The following MDGA2 variants were observed in gnomAD, a reference collection of about 807,000 sequenced individuals.
MDGA2 encodes the protein MAM domain containing glycosylphosphatidylinositol anchor 2, also known as MAM domain-containing glycosylphosphatidylinositol anchor protein 2.
Under a neutral mutation model 117.8 loss-of-function variants are expected in MDGA2, and 40 were observed. That is an observed-to-expected ratio of 0.34 (90% CI 0.26 to 0.44). MDGA2 has a LOEUF of 0.44. MDGA2 is among the 20% of genes least tolerant of loss of function. The pLI is 1.00. For missense variants in MDGA2, 1,123 were observed against 1,250.6 expected (o/e 0.90, Z 1.54); for synonymous variants, 452 against 439.0 (o/e 1.03, Z -0.37).
chr14:47,019,843 A>C (rs1397476433), intron 8 of MDGA2, among the ~76,000 whole-genome samples: 1 of 151,994 alleles, frequency 6.6e-6, no homozygotes, highest in Non-Finnish European at 1.5e-5. Context: ...CGTCTCAAAA[A>C]AAAAAAAAAA....
intron 1 of MDGA2, among the ~76,000 whole-genome samples, chr14:47,636,895 C>G (rs905283966): frequency 6.7e-5 from 10 of 150,148 alleles, no homozygotes; most frequent in African/African-American, 2.2e-4. Context: ...TCACTTGAAT[C>G]CGGGAAATGA....
intron 11 of MDGA2, 145 bp from the exon 12 acceptor site, chr14:46,877,654 T>C: frequency 1.9e-6 from 1 of 518,702 alleles, no homozygotes; most frequent in Non-Finnish European, 3.4e-6. Context: ...TTGAGATTTA[T>C]ATCTGCAATC....
At chr14:47,526,430 G>C (rs1894974864) in intron 1 of MDGA2, among the ~76,000 whole-genome samples, 1 of 152,114 alleles carries the variant, frequency 6.6e-6, no homozygotes, top group African/African-American at 2.4e-5. Flanking sequence ...TTTTCTTCCA[G>C]TTTGCTCTTA....
chr14:47,119,067 T>C (rs562825134), intron 5 of MDGA2, among the ~76,000 whole-genome samples: 3 of 150,332 alleles, frequency 2.0e-5, no homozygotes, highest in Non-Finnish European at 4.4e-5. Context: ...TTTTTTTTTT[T>C]TGAGACGGAG....
At chr14:47,293,731 C>G (rs769730444) in intron 2 of MDGA2, among the ~76,000 whole-genome samples, 2 of 151,980 alleles carry the variant, frequency 1.3e-5, no homozygotes, top group Non-Finnish European at 2.9e-5. Context: ...TAAAATTAAA[C>G]AAAAGATGAA....
chr14:47,246,587 G>C (rs752036971), intron 2 of MDGA2, among the ~76,000 whole-genome samples: 1 of 151,706 alleles, frequency 6.6e-6, no homozygotes, highest in Non-Finnish European at 1.5e-5. Context: ...AGTGTGGAAA[G>C]AGCCAGTTAC....
At chr14:47,342,397 T>C (rs1355147179) in intron 1 of MDGA2, among the ~76,000 whole-genome samples, 1 of 151,472 alleles carries the variant, frequency 6.6e-6, no homozygotes, top group Non-Finnish European at 1.5e-5. Context: ...TTATTCCCAC[T>C]CTACAGATGA....
chr14:47,650,048 T>C (rs1267604282), intron 1 of MDGA2, among the ~76,000 whole-genome samples: 2 of 152,092 alleles, frequency 1.3e-5, no homozygotes, highest in Non-Finnish European at 2.9e-5. Flanking sequence ...TTAAAGCACA[T>C]GGTCTCTCTA....
chr14:47,237,352 G>T (rs1445611998), intron 2 of MDGA2, among the ~76,000 whole-genome samples: 1 of 152,084 alleles, frequency 6.6e-6, no homozygotes, highest in Non-Finnish European at 1.5e-5. Context: ...GGTCTCCCAG[G>T]CCTTGCCCTT....
intron 13 of MDGA2, chr14:46,873,813 T>C: frequency 3.4e-6 from 2 of 582,968 alleles, no homozygotes; most frequent in Non-Finnish European, 5.4e-6. Context: ...AAGTTGAAAT[T>C]TAGACTTGAA....
At chr14:46,976,492 G>GT (rs1328390080) in intron 8 of MDGA2, among the ~76,000 whole-genome samples, 1 of 151,696 alleles carries the variant, frequency 6.6e-6, no homozygotes, top group Non-Finnish European at 1.5e-5. Flanking sequence ...GGTTAGAGCT[G>GT]TTTTTTCTAA....
intron 1 of MDGA2, among the ~76,000 whole-genome samples, chr14:47,653,465 C>CTAAT: frequency 6.6e-6 from 1 of 152,188 alleles, no homozygotes; most frequent in African/African-American, 2.4e-5. Flanking sequence ...AGATGGTTAT[C>CTAAT]TCTGGAGGCT....
intron 10 of MDGA2, among the ~76,000 whole-genome samples, chr14:46,885,657 G>A (rs572040698): frequency 6.6e-6 from 1 of 152,168 alleles, no homozygotes; most frequent in South Asian, 2.1e-4. Flanking sequence ...TTTATCCTAC[G>A]TATAAGCTAA....
chr14:47,665,376 C>T (rs942496535), intron 1 of MDGA2, among the ~76,000 whole-genome samples: 11 of 152,222 alleles, frequency 7.2e-5, no homozygotes, highest in African/African-American at 2.7e-4. Flanking sequence ...TGAGAGGTGA[C>T]AGTGTGCTGG....
At chr14:47,104,866 C>T (rs1222885952) in intron 5 of MDGA2, among the ~76,000 whole-genome samples, 2 of 152,010 alleles carry the variant, frequency 1.3e-5, no homozygotes, top group African/African-American at 4.8e-5. Flanking sequence ...TCCAACCTCC[C>T]TCACTATCCC....
intron 5 of MDGA2, among the ~76,000 whole-genome samples, chr14:47,104,211 C>G (rs973296336): frequency 1.3e-5 from 2 of 152,120 alleles, no homozygotes; most frequent in African/African-American, 4.8e-5. Context: ...GCCTCTGAGC[C>G]CAAGCCAAGC....
chr14:46,845,485 ATCAAAGTGTTTTAAAATCT>A (rs1880798759), intron 16 of MDGA2, among the ~76,000 whole-genome samples: 1 of 152,218 alleles, frequency 6.6e-6, no homozygotes, highest in East Asian at 1.9e-4. Context: ...AACAAATAAT[ATCAAAGTGTTTTAAAATCT>A]TAATTAAAAA....
intron 2 of MDGA2, among the ~76,000 whole-genome samples, chr14:47,282,591 G>C (rs1303289642): frequency 6.6e-6 from 1 of 151,908 alleles, no homozygotes; most frequent in African/African-American, 2.4e-5. Context: ...CCAGCTATTC[G>C]GGAGGCTGAG....
intron 3 of MDGA2, among the ~76,000 whole-genome samples, chr14:47,191,204 A>T (rs1885098119): frequency 6.6e-6 from 1 of 151,944 alleles, no homozygotes; most frequent in Non-Finnish European, 1.5e-5. Flanking sequence ...AATCTCATGC[A>T]TATTAGCACT....
Sources: allele counts gnomAD v4.1 joint callset (sites outside exome capture counted in the v4.1 genomes callset), GRCh38; gene constraint gnomAD v4.1.1; transcripts MANE v1.5; gene names NCBI Gene and HGNC (gene_info 2026-07-23, HGNC 2026-07-21).